Variants in DOCK4 observed in about 807,000 individuals in gnomAD.
The protein encoded by DOCK4 is dedicator of cytokinesis protein 4.
DOCK4 carries 97 observed loss-of-function variants against 268.1 expected under a neutral mutation model. That is an observed-to-expected ratio of 0.36 (90% confidence interval 0.31 to 0.43). DOCK4 has a LOEUF of 0.43. Ranked by LOEUF, DOCK4 falls within the 20% of genes least tolerant of loss-of-function variation. DOCK4 has a pLI of 1.00. For synonymous variants in DOCK4, 954 were observed against 887.2 expected, an observed-to-expected ratio of 1.08 and a Z score of -1.34; for missense variants, 2,145 against 2,455.7, an observed-to-expected ratio of 0.87 and a Z score of 2.67.
chr7:111,969,771 C>G (rs1165764784), intron 8 of DOCK4, among the ~76,000 whole-genome samples: 1 of 152,010 alleles, frequency 6.6e-6, no homozygotes, highest in Non-Finnish European at 1.5e-5. Flanking sequence ...CGTAGCTGCA[C>G]AACCTATGGA....
chr7:112,073,490 AAATGT>A (rs769909001), intron 1 of DOCK4, among the ~76,000 whole-genome samples: 10 of 152,282 alleles, frequency 6.6e-5, no homozygotes, highest in Non-Finnish European at 1.3e-4. Context: ...ACAGATAATA[AAATGT>A]AATGTAAAAA....
intron 36 of DOCK4, 60 bp downstream of exon 36, chr7:111,778,216 G>A (rs1652344082): frequency 3.4e-6 from 4 of 1,183,692 alleles, no homozygotes; most frequent in Non-Finnish European, 5.0e-6. Context: ...AAAAAGCGGA[G>A]GAATGATCAT....
intron 51 of DOCK4, among the ~76,000 whole-genome samples, chr7:111,734,147 T>C (rs915541676): frequency 6.6e-6 from 1 of 152,008 alleles, no homozygotes; most frequent in Admixed American, 6.6e-5. Context: ...TGCCATGTTG[T>C]ACAGGCTTCT....
chr7:111,727,950 G>A lies in DOCK4; in HGVS notation c.*324C>T, dbSNP rs1794756762. 8.5e-6 allele frequency: 2 copies of A among 234,044 alleles called. No homozygotes were observed. 14.5% of individuals were successfully genotyped at this position (234,044 alleles called of 1,614,324 possible). A position where few individuals can be genotyped will look rare whatever the true frequency, so the allele number is the denominator to read the frequency against. ...ATACAACATTGTCACACATTGTATCGTTTGACAATATCGTATTGGTTTTAA... is the reference window on the plus strand; with the variant it reads ...ATACAACATTGTCACACATTGTATCATTTGACAATATCGTATTGGTTTTAA... On this transcript the variant is annotated 3_prime_UTR_variant, in exon 53 of 53. Coordinates refer to ENST00000428084, the MANE Select transcript of DOCK4 (RefSeq NM_001363540.2).
At chr7:111,849,928 C>T (rs1348671699) in intron 23 of DOCK4, among the ~76,000 whole-genome samples, 10 of 152,114 alleles carry the variant, frequency 6.6e-5, no homozygotes, top group Admixed American at 6.6e-4. Context: ...AATTAGTTTG[C>T]TCCTTGGCCC....
chr7:112,099,297 TAAAA>T (rs34373613), intron 1 of DOCK4, among the ~76,000 whole-genome samples: 1 of 123,346 alleles, frequency 8.1e-6, no homozygotes, highest in African/African-American at 3.1e-5. Flanking sequence ...GTCTCGGATT[TAAAA>T]AAAAAAAAAA....
At chr7:112,087,877 A>C (rs1809248209) in intron 1 of DOCK4, among the ~76,000 whole-genome samples, 1 of 152,118 alleles carries the variant, frequency 6.6e-6, no homozygotes, top group South Asian at 2.1e-4. Flanking sequence ...AGACATCTCT[A>C]ACAGATCCAT....
intron 1 of DOCK4, among the ~76,000 whole-genome samples, chr7:112,082,725 T>C (rs963513767): frequency 6.6e-6 from 1 of 152,102 alleles, no homozygotes; most frequent in Non-Finnish European, 1.5e-5. Context: ...GTTTACTATA[T>C]AGAAAAAGAG....
At chr7:111,934,704 A>AT (rs771289183) in intron 12 of DOCK4, among the ~76,000 whole-genome samples, 19,501 of 118,532 alleles carry the variant, frequency 0.16, 2,102 homozygotes, top group East Asian at 0.39. Flanking sequence ...TAATTTTTGT[A>AT]TTTTTTTTTT....
At position 111,867,971 on chromosome 7, in the gene DOCK4, G is replaced by A. The variant is rs1439281757; in HGVS notation, c.2280+13C>T. 3 of 1,573,490 alleles carry A rather than the reference G, an allele frequency of 1.9e-6. No homozygotes were observed. Among genetic ancestry groups the A allele is most frequent in the Non-Finnish European group, 2.6e-6 (3 of 1,161,970 alleles). ...TCGTTTTCTTCTATTCAGCATAGAT[G>A]AAAAGAAATTACCTGTGACTGAGAT... On this transcript the variant is annotated intron_variant, in intron 22 of 52. Transcript: ENST00000428084.
At chr7:112,171,244 T>C (rs1279889302) in intron 1 of DOCK4, among the ~76,000 whole-genome samples, 1 of 152,162 alleles carries the variant, frequency 6.6e-6, no homozygotes, top group Non-Finnish European at 1.5e-5. Flanking sequence ...AATGGAAAAA[T>C]AATTAACCTA....
intron 1 of DOCK4, among the ~76,000 whole-genome samples, chr7:112,093,444 TA>T (rs1019135892): frequency 3.3e-5 from 5 of 151,448 alleles, no homozygotes; most frequent in African/African-American, 9.8e-5. Flanking sequence ...ATCATACATT[TA>T]AAGGGGGGGG....
chr7:111,906,067 A>G (rs1791545096), intron 13 of DOCK4, among the ~76,000 whole-genome samples: 2 of 152,132 alleles, frequency 1.3e-5, no homozygotes, highest in Non-Finnish European at 2.9e-5. Flanking sequence ...TGCCCTAGGT[A>G]TTATCAGTGA....
intron 1 of DOCK4, among the ~76,000 whole-genome samples, chr7:112,105,260 T>C (rs1811035681): frequency 2.0e-5 from 3 of 152,200 alleles, no homozygotes; most frequent in South Asian, 2.1e-4. Context: ...TTATGGAAAA[T>C]TGCAATAAAG....
intron 30 of DOCK4, chr7:111,808,581 A>C (rs1047137521): frequency 2.0e-5 from 9 of 440,246 alleles, no homozygotes; most frequent in African/African-American, 1.4e-4. Flanking sequence ...AGATTATAAA[A>C]TTTATCGTTA....
At chr7:111,847,643 A>C (rs1029490387) in intron 23 of DOCK4, among the ~76,000 whole-genome samples, 5 of 152,156 alleles carry the variant, frequency 3.3e-5, no homozygotes, top group African/African-American at 1.2e-4. Context: ...TATGTCTCAC[A>C]AGATCTGATG....
At chr7:111,873,184 C>T (rs1294848294) in intron 17 of DOCK4, among the ~76,000 whole-genome samples, 1 of 152,214 alleles carries the variant, frequency 6.6e-6, no homozygotes, top group East Asian at 1.9e-4. Context: ...CATCTTTCAT[C>T]CCAGAGTCCA....
At chr7:112,115,986 T>G (rs1369102704) in intron 1 of DOCK4, among the ~76,000 whole-genome samples, 1 of 152,228 alleles carries the variant, frequency 6.6e-6, no homozygotes, top group African/African-American at 2.4e-5. Context: ...GCCTATTTTT[T>G]AATTGTGGTA....
chr7:112,002,430 ACAATAAAT>A (rs1800502540), intron 2 of DOCK4, among the ~76,000 whole-genome samples: 1 of 152,214 alleles, frequency 6.6e-6, no homozygotes, highest in Non-Finnish European at 1.5e-5. Flanking sequence ...GCACCAATTC[ACAATAAAT>A]TTTATATTTA....
Sources: allele counts gnomAD v4.1 joint callset (sites outside exome capture counted in the v4.1 genomes callset), GRCh38; gene constraint gnomAD v4.1.1; transcripts MANE v1.5; gene names NCBI Gene and HGNC (gene_info 2026-07-23, HGNC 2026-07-21).